Variants in MAP1B observed in about 807,000 individuals in gnomAD.
The protein encoded by MAP1B is microtubule-associated protein 1B.
In MAP1B, 12 loss-of-function variants were observed where a neutral mutation model predicts 176.1. That is an observed-to-expected ratio of 0.07 (90% CI 0.04 to 0.11). The LOEUF (loss-of-function observed/expected upper bound fraction) is 0.11. Among genes scored for constraint, MAP1B ranks in the 10% least tolerant of loss-of-function variants. The pLI is 1.00. For missense variants in MAP1B, 2,523 were observed against 2,990.5 expected (o/e 0.84, Z 3.65); for synonymous variants, 1,044 against 1,135.0 (o/e 0.92, Z 1.61).
At chr5:72,146,893 C>T (rs1043722230) in intron 2 of MAP1B, among the ~76,000 whole-genome samples, 1 of 152,100 alleles carries the variant, frequency 6.6e-6, no homozygotes, top group African/African-American at 2.4e-5. Context: ...AGCAGCACCT[C>T]CTTGGCTATG....
At chr5:72,162,687 G>A (rs1287629752) in intron 2 of MAP1B, among the ~76,000 whole-genome samples, 1 of 152,070 alleles carries the variant, frequency 6.6e-6, no homozygotes, top group Non-Finnish European at 1.5e-5. Context: ...TACACACATT[G>A]TGCGGGACCC....
At chr5:72,113,531 T>G (rs1745380378) in intron 1 of MAP1B, among the ~76,000 whole-genome samples, 1 of 152,228 alleles carries the variant, frequency 6.6e-6, no homozygotes, top group South Asian at 2.1e-4. Context: ...ACAAGTTAAC[T>G]GAAGCCAAGG....
chr5:72,165,616 C>A (rs984815443), intron 2 of MAP1B, among the ~76,000 whole-genome samples: 1 of 152,102 alleles, frequency 6.6e-6, no homozygotes, highest in African/African-American at 2.4e-5. Context: ...GCTCAGTTTT[C>A]CCATCCACTA....
chr5:72,153,680 T>C (rs1330087217), intron 2 of MAP1B, among the ~76,000 whole-genome samples: 1 of 152,138 alleles, frequency 6.6e-6, no homozygotes, highest in Non-Finnish European at 1.5e-5. Context: ...TAGTCTACTT[T>C]CCCTTCTTGA....
At chr5:72,170,622 T>G (rs1009418796) in intron 2 of MAP1B, among the ~76,000 whole-genome samples, 1 of 151,386 alleles carries the variant, frequency 6.6e-6, no homozygotes, top group African/African-American at 2.4e-5. Flanking sequence ...GAAGAGGTGA[T>G]CAGAACAGTT....
rs148638587 is a variant in MAP1B at position 72,187,386 on chromosome 5, G to A, written c.510+632G>A. On this transcript the variant is annotated intron_variant, in intron 4 of 6. Transcript: ENST00000296755. ...AACTGTGTGAAGTTAGTCGTATTTT[G>A]TAAAATGAGATCAAAGATTTTGATA... Among the ~76,000 whole-genome samples, 202 of 152,304 alleles carry A rather than the reference G, an allele frequency of 1.3e-3. 1 individual carries two copies. Among genetic ancestry groups the A allele is most frequent in the Middle Eastern group, 6.8e-3 (2 of 294 alleles).
intron 2 of MAP1B, among the ~76,000 whole-genome samples, chr5:72,132,165 A>G (rs1370713166): frequency 1.3e-5 from 2 of 152,234 alleles, no homozygotes; most frequent in East Asian, 3.8e-4. Context: ...GTAGTATTTT[A>G]CTTGAAGGTG....
Position 72,200,228 on chromosome 5 carries a change from G to C in MAP1B, c.6873G>C (p.Lys2291Asn). ...SDKVSRVASP[K>N]KKESVEKAAK... is the part of the protein sequence containing the mutation. The stretch of plus-strand genomic sequence containing the variant: ...AAGTGTCCAGGGTGGCTTCTCCTAA[G>C]AAGAAAGAATCTGTGGAAAAGGCAG... The change falls in exon 5 of 7, where the codon AAG becomes AAC. Residue 2291 changes from lysine to asparagine, a missense_variant. Transcript: ENST00000296755. 1.2e-6 allele frequency: 2 copies of C among 1,614,180 alleles called. No individual in the cohort carries two copies. The highest frequency in any genetic ancestry group is 1.7e-6 in the Non-Finnish European group (2 of 1,180,040).
chr5:72,190,198 C>T (rs1163097703), intron 4 of MAP1B, among the ~76,000 whole-genome samples: 2 of 152,150 alleles, frequency 1.3e-5, no homozygotes, highest in Admixed American at 1.3e-4. Context: ...TCACCATACA[C>T]CATTAATGGT....
At chr5:72,189,616 G>A (rs902022692) in intron 4 of MAP1B, among the ~76,000 whole-genome samples, 3 of 151,836 alleles carry the variant, frequency 2.0e-5, no homozygotes, top group Non-Finnish European at 2.9e-5. Flanking sequence ...GATCACGTGC[G>A]GCTAGGAGTT....
At chr5:72,117,624 C>T (rs554291081) in intron 2 of MAP1B, among the ~76,000 whole-genome samples, 1 of 152,228 alleles carries the variant, frequency 6.6e-6, no homozygotes, top group Admixed American at 6.5e-5. Context: ...GTACCCCATT[C>T]TCCTCTCCTT....
intron 2 of MAP1B, among the ~76,000 whole-genome samples, chr5:72,147,017 G>A (rs1319815086): frequency 6.7e-6 from 1 of 148,468 alleles, no homozygotes; most frequent in Non-Finnish European, 1.5e-5. Flanking sequence ...CTGGAGTGCA[G>A]TGGCATGATC....
At position 72,205,040 on chromosome 5, in the gene MAP1B, T is replaced by C. The variant is rs1580034427; in HGVS notation, c.7252-44T>C. 3.9e-6 allele frequency: 6 copies of C among 1,550,348 alleles called. No homozygotes were observed. The East Asian group carries it at 1.1e-4, about 29-fold the overall frequency. ...TATTCAATTTTTTTCATATGGTTTCTGTTTCTGCCCTTAAATAGCTATTTT... is the reference window on the plus strand; with the variant it reads ...TATTCAATTTTTTTCATATGGTTTCCGTTTCTGCCCTTAAATAGCTATTTT... On this transcript the variant is annotated intron_variant, in intron 6 of 6. Transcript: ENST00000296755.
chr5:72,119,301 A>G (rs1425003634), intron 2 of MAP1B, among the ~76,000 whole-genome samples: 2 of 152,208 alleles, frequency 1.3e-5, no homozygotes, highest in Admixed American at 6.5e-5. Flanking sequence ...AGATCACTCA[A>G]CAAACCTTTG....
intron 2 of MAP1B, among the ~76,000 whole-genome samples, chr5:72,146,046 TAATTTAC>T (rs1746040092): frequency 6.6e-6 from 1 of 152,244 alleles, no homozygotes; most frequent in South Asian, 2.1e-4. Context: ...TAGGTAATTT[TAATTTAC>T]ACTCTTTTTT....
chr5:72,150,472 A>AT (rs1220056116), intron 2 of MAP1B, among the ~76,000 whole-genome samples: 1 of 152,176 alleles, frequency 6.6e-6, no homozygotes, highest in African/African-American at 2.4e-5. Context: ...TATAGGACAG[A>AT]TTTTTTCCTT....
chr5:72,195,343 A>G lies in MAP1B; in HGVS notation c.1988A>G (p.Lys663Arg). 1 of 1,600,756 alleles carries G rather than the reference A, an allele frequency of 6.2e-7. No individual in the cohort carries two copies. Among genetic ancestry groups the G allele is most frequent in the South Asian group, 1.1e-5 (1 of 88,572 alleles). The change falls in exon 5 of 7, where the codon AAG becomes AGG. Residue 663 changes from lysine (K) to arginine (R), a missense_variant. Coordinates refer to ENST00000296755, the MANE Select transcript of MAP1B (RefSeq NM_005909.5). ...KEKPKKEVAK[K>R]EDKTPIKKEE... The stretch of plus-strand genomic sequence containing the variant: ...AAGCCAAAGAAAGAAGTGGCTAAAA[A>G]GGAGGACAAAACACCTATCAAGAAG...
At chr5:72,175,267 A>G (rs1332864471) in intron 2 of MAP1B, among the ~76,000 whole-genome samples, 1 of 151,546 alleles carries the variant, frequency 6.6e-6, no homozygotes, top group Non-Finnish European at 1.5e-5. Context: ...GTTTCACCAT[A>G]TTGCCCAGGC....
chr5:72,179,752 G>T (rs1380235800), intron 2 of MAP1B: 40 of 985,426 alleles, frequency 4.1e-5, no homozygotes, highest in East Asian at 1.1e-4. Context: ...ATTCAAATCC[G>T]ATCCTATAAA....
Sources: allele counts gnomAD v4.1 joint callset (sites outside exome capture counted in the v4.1 genomes callset), GRCh38; gene constraint gnomAD v4.1.1; transcripts MANE v1.5; gene names NCBI Gene and HGNC (gene_info 2026-07-23, HGNC 2026-07-21).